DIP2C: variants seen among roughly 807,000 people sequenced by gnomAD.
DIP2C encodes the protein disco-interacting protein 2 homolog C.
A neutral mutation model predicts 192.4 loss-of-function variants in DIP2C; 33 were observed. That is an observed-to-expected ratio of 0.17 (90% confidence interval 0.13 to 0.23). DIP2C has a LOEUF of 0.23. Among genes scored for constraint, DIP2C ranks in the 10% least tolerant of loss-of-function variants. The probability of loss-of-function intolerance (pLI) is 1.00; values close to 1 mark genes in which losing one functional copy is unlikely to be tolerated. For missense variants in DIP2C, 1,537 were observed against 2,110.1 expected (o/e 0.73, Z 5.32); for synonymous variants, 979 against 864.1 (o/e 1.13, Z -2.33).
intron 17 of DIP2C, among the ~76,000 whole-genome samples, chr10:381,611 C>A (rs1962382053): frequency 6.6e-6 from 1 of 152,194 alleles, no homozygotes; most frequent in Admixed American, 6.5e-5. Flanking sequence ...TGCCCACGTG[C>A]AACACCAGGC....
intron 36 of DIP2C, 80 bp downstream of exon 36, chr10:281,120 C>A: frequency 6.4e-7 from 1 of 1,570,474 alleles, no homozygotes; most frequent in Admixed American, 1.7e-5. Flanking sequence ...AACTCTCCTC[C>A]ACCGCCGTGC....
At chr10:398,697 C>G (rs1278600459) in intron 10 of DIP2C, among the ~76,000 whole-genome samples, 1 of 152,182 alleles carries the variant, frequency 6.6e-6, no homozygotes, top group Non-Finnish European at 1.5e-5. Context: ...AGTTTAGTAG[C>G]TTATTTTCAT....
intron 31 of DIP2C, among the ~76,000 whole-genome samples, chr10:326,377 A>C (rs994711664): frequency 1.3e-5 from 2 of 152,118 alleles, no homozygotes; most frequent in African/African-American, 4.8e-5. Flanking sequence ...CTCTGGGATC[A>C]CAAGTAGGAT....
At chr10:417,826 ACAGGCC>A in intron 6 of DIP2C, among the ~76,000 whole-genome samples, 2 of 90,006 alleles carry the variant, frequency 2.2e-5, no homozygotes, top group Non-Finnish European at 4.2e-5. Context: ...CAGGGCGCGG[ACAGGCC>A]TCCCTGTCCA....
rs1042482957 is a variant in DIP2C, at chr10:331,873, A to T, written c.3585-2272T>A. Among the ~76,000 whole-genome samples the T allele has an allele frequency of 7.9e-5, 12 of 152,272 alleles. No individual in the cohort carries two copies. The East Asian group carries it at 9.6e-4, about 12-fold the overall frequency. Reference sequence around the variant, plus strand: ...TGGCCATTTCATCTTAGTTTTAAAAATTTTACTGTGGTAAAACATATGTAA... The same window carrying T: ...TGGCCATTTCATCTTAGTTTTAAAATTTTTACTGTGGTAAAACATATGTAA... On this transcript the variant is annotated intron_variant, in intron 29 of 36. Coordinates refer to ENST00000280886, the MANE Select transcript of DIP2C (RefSeq NM_014974.3).
chr10:640,959 G>A (rs1588657966), intron 1 of DIP2C, among the ~76,000 whole-genome samples: 1 of 152,202 alleles, frequency 6.6e-6, no homozygotes, highest in Middle Eastern at 3.4e-3. Flanking sequence ...ACACGCACAC[G>A]CTGTGGACAC....
At chr10:577,085 C>A (rs946843458) in intron 1 of DIP2C, among the ~76,000 whole-genome samples, 3 of 152,186 alleles carry the variant, frequency 2.0e-5, no homozygotes, top group African/African-American at 4.8e-5. Context: ...TTTGAACACA[C>A]CTCAAGTGTG....
chr10:539,429 C>T (rs1361820445), intron 1 of DIP2C, among the ~76,000 whole-genome samples: 3 of 152,170 alleles, frequency 2.0e-5, no homozygotes, highest in Non-Finnish European at 4.4e-5. Flanking sequence ...CTTGACATGA[C>T]TGAAAGTCTA....
chr10:376,761 A>C (rs1400714642), intron 17 of DIP2C, among the ~76,000 whole-genome samples: 1 of 152,058 alleles, frequency 6.6e-6, no homozygotes, highest in Non-Finnish European at 1.5e-5. Flanking sequence ...TGAACTAATA[A>C]ATTCACAGTA....
chr10:657,504 CCTGGACCTGACG>C (rs1856441030), intron 1 of DIP2C, among the ~76,000 whole-genome samples: 1 of 23,246 alleles, frequency 4.3e-5, no homozygotes, highest in African/African-American at 1.0e-4. Context: ...TGGACCTGTC[CCTGGACCTGACG>C]CTGGACCTGC....
At chr10:426,989 T>G (rs976163902) in intron 4 of DIP2C, among the ~76,000 whole-genome samples, 1 of 152,216 alleles carries the variant, frequency 6.6e-6, no homozygotes, top group Non-Finnish European at 1.5e-5. Context: ...ATTAGTAAAC[T>G]GGACTTCATT....
intron 8 of DIP2C, among the ~76,000 whole-genome samples, chr10:410,043 C>T (rs1965084639): frequency 6.6e-6 from 1 of 152,160 alleles, no homozygotes; most frequent in Non-Finnish European, 1.5e-5. Flanking sequence ...AATCTTTTCC[C>T]TCTTTTAAAT....
At chr10:607,990 A>G (rs1014154346) in intron 1 of DIP2C, among the ~76,000 whole-genome samples, 2 of 151,746 alleles carry the variant, frequency 1.3e-5, no homozygotes, top group African/African-American at 4.9e-5. Context: ...TAATGAAACC[A>G]AAATCGGAGT....
At chr10:419,989 C>T (rs1233512438) in intron 5 of DIP2C, among the ~76,000 whole-genome samples, 2 of 152,226 alleles carry the variant, frequency 1.3e-5, no homozygotes, top group East Asian at 1.9e-4. Flanking sequence ...CCACTGATGA[C>T]GCCCGTCACA....
chr10:451,575 T>G (rs532452433), intron 3 of DIP2C, among the ~76,000 whole-genome samples: 3 of 152,254 alleles, frequency 2.0e-5, no homozygotes, highest in African/African-American at 7.2e-5. Flanking sequence ...ATTAAAGTGC[T>G]TGTGTTAGAA....
chr10:595,738 C>T (rs554074640), intron 1 of DIP2C, among the ~76,000 whole-genome samples: 47 of 152,256 alleles, frequency 3.1e-4, no homozygotes, highest in African/African-American at 1.1e-3. Flanking sequence ...AAATGTCGGC[C>T]CTCCACAAAG....
At chr10:532,399 A>T (rs1847423297) in intron 1 of DIP2C, among the ~76,000 whole-genome samples, 1 of 152,188 alleles carries the variant, frequency 6.6e-6, no homozygotes, top group Middle Eastern at 3.2e-3. Context: ...GGTCCCAGCA[A>T]AACTGGCCGC....
intron 4 of DIP2C, among the ~76,000 whole-genome samples, chr10:432,191 G>T (rs1185876006): frequency 6.6e-6 from 1 of 151,996 alleles, no homozygotes; most frequent in African/African-American, 2.4e-5. Context: ...TCCAGTTTTG[G>T]TATTAAAATG....
chr10:649,782 T>G (rs1048942308), intron 1 of DIP2C, among the ~76,000 whole-genome samples: 2 of 152,252 alleles, frequency 1.3e-5, no homozygotes, highest in Admixed American at 1.3e-4. Context: ...CAAATGATCC[T>G]CTATGTATCC....
Sources: gnomAD v4.1 joint callset for allele counts (sites outside exome capture counted in the v4.1 genomes callset) on GRCh38, gnomAD v4.1.1 for gene constraint, MANE v1.5 for transcripts, NCBI Gene and HGNC (gene_info 2026-07-23, HGNC 2026-07-21) for gene names.